PCCA: variants seen among roughly 807,000 people sequenced by gnomAD.
PCCA encodes propionyl-CoA carboxylase alpha chain, mitochondrial.
PCCA carries 74 observed loss-of-function variants against 101.3 expected under a neutral mutation model. That is an observed-to-expected ratio of 0.73 (90% CI 0.61 to 0.89). The LOEUF (loss-of-function observed/expected upper bound fraction) is 0.89. Ranked by LOEUF, PCCA falls within the 40% of genes least tolerant of loss-of-function variation. The pLI is 0.00. For synonymous variants in PCCA, 294 were observed against 313.6 expected (o/e 0.94, Z 0.66); for missense variants, 891 against 907.0 (o/e 0.98, Z 0.23).
chr13:100,167,750 C>T (rs893563558), intron 6 of PCCA, among the ~76,000 whole-genome samples: 1 of 152,184 alleles, frequency 6.6e-6, no homozygotes, highest in East Asian at 1.9e-4. Context: ...GTTTGCTATA[C>T]AATCTCTTGA....
chr13:100,125,136 T>C (rs1187542165), intron 4 of PCCA, among the ~76,000 whole-genome samples: 1 of 1,288 alleles, frequency 7.8e-4, no homozygotes, highest in African/African-American at 8.9e-3. Flanking sequence ...ACCTTTTATT[T>C]GTGTGTGTGT....
At chr13:100,416,220 G>A (rs892708744) in intron 19 of PCCA, among the ~76,000 whole-genome samples, 17 of 150,350 alleles carry the variant, frequency 1.1e-4, no homozygotes, top group Admixed American at 2.0e-4. Flanking sequence ...ACGGAGTCTC[G>A]CTCTGTCGCC....
At chr13:100,128,135 G>T (rs1188328891) in intron 4 of PCCA, among the ~76,000 whole-genome samples, 1 of 152,088 alleles carries the variant, frequency 6.6e-6, no homozygotes, top group Admixed American at 6.5e-5. Context: ...AGAAAATTGG[G>T]GCTTCAAGTA....
chr13:100,433,961 T>C (rs2079743857), intron 20 of PCCA, among the ~76,000 whole-genome samples: 1 of 152,246 alleles, frequency 6.6e-6, no homozygotes, highest in Non-Finnish European at 1.5e-5. Context: ...TTAGGTTTAA[T>C]GAAGAATGGG....
rs866201572 is a variant in PCCA at position 100,152,793 on chromosome 13, G to A, written c.301-2186G>A. On this transcript the variant is annotated intron_variant, in intron 4 of 23. Coordinates refer to ENST00000376285, the MANE Select transcript of PCCA (RefSeq NM_000282.4). ...ACGTTTGTGATAACATAGGAAAAAT[G>A]TCTATTATGCTAGTTAAAAAACAAA... is the stretch of plus-strand genomic sequence containing the variant. Among the ~76,000 whole-genome samples, 2 of 152,162 alleles carry A rather than the reference G, an allele frequency of 1.3e-5. 1 individual carries two copies. Among genetic ancestry groups the A allele is most frequent in the South Asian group, 4.1e-4 (2 of 4,820 alleles).
intron 18 of PCCA, among the ~76,000 whole-genome samples, chr13:100,342,836 C>T (rs968458783): frequency 3.3e-5 from 5 of 151,862 alleles, no homozygotes; most frequent in Non-Finnish European, 7.4e-5. Context: ...ACCCTCCTGC[C>T]TCAGTGTCCC....
chr13:100,364,809 G>C (rs1231657225), intron 18 of PCCA, among the ~76,000 whole-genome samples: 3 of 152,100 alleles, frequency 2.0e-5, no homozygotes, highest in Non-Finnish European at 4.4e-5. Context: ...CCCATACTTT[G>C]GGAGGACAAA....
chr13:100,223,651 T>G (rs1800431491), intron 7 of PCCA, among the ~76,000 whole-genome samples: 1 of 152,120 alleles, frequency 6.6e-6, no homozygotes, highest in African/African-American at 2.4e-5. Context: ...CACTGCTGGC[T>G]CGGGCAGCCT....
chr13:100,184,063 G>A (rs979867210), intron 6 of PCCA, among the ~76,000 whole-genome samples: 2 of 152,172 alleles, frequency 1.3e-5, no homozygotes, highest in African/African-American at 2.4e-5. Flanking sequence ...TGTACAAGAA[G>A]CGTGGTGTCA....
intron 12 of PCCA, among the ~76,000 whole-genome samples, chr13:100,281,444 A>G (rs2064111927): frequency 6.6e-6 from 1 of 152,222 alleles, no homozygotes; most frequent in African/African-American, 2.4e-5. Context: ...CATGTTCTAT[A>G]CTATCCACAG....
At chr13:100,297,612 A>G (rs1469106525) in intron 12 of PCCA, among the ~76,000 whole-genome samples, 1 of 152,232 alleles carries the variant, frequency 6.6e-6, no homozygotes, top group Admixed American at 6.5e-5. Flanking sequence ...CACGATGCTA[A>G]TAGTGACAGC....
intron 10 of PCCA, among the ~76,000 whole-genome samples, chr13:100,267,685 C>T (rs77917467): frequency 0.015 from 2,236 of 152,138 alleles, 64 homozygotes; most frequent in African/African-American, 0.051. Context: ...TAGATTGGTC[C>T]GTTTCTGAAA....
chr13:100,257,878 G>A (rs2062183199), intron 9 of PCCA, among the ~76,000 whole-genome samples: 2 of 151,832 alleles, frequency 1.3e-5, no homozygotes, highest in Non-Finnish European at 2.9e-5. Context: ...TTATAGAAAG[G>A]GTTTTACTGT....
At chr13:100,332,702 A>G (rs1443845214) in intron 17 of PCCA, among the ~76,000 whole-genome samples, 1 of 152,224 alleles carries the variant, frequency 6.6e-6, no homozygotes, top group Non-Finnish European at 1.5e-5. Context: ...AAACTCAGAA[A>G]TGTACTTAAA....
intron 19 of PCCA, among the ~76,000 whole-genome samples, chr13:100,414,172 C>G (rs543995281): frequency 1.3e-5 from 2 of 152,164 alleles, no homozygotes; most frequent in South Asian, 4.2e-4. Flanking sequence ...GACAGATTGA[C>G]AGATCTTCAC....
chr13:100,447,207 A>T (rs572409923), intron 20 of PCCA, among the ~76,000 whole-genome samples: 4 of 151,928 alleles, frequency 2.6e-5, no homozygotes, highest in Admixed American at 2.6e-4. Flanking sequence ...ACATGGCAAA[A>T]CCCCATCTCT....
chr13:100,216,593 G>T (rs566913641), intron 7 of PCCA, among the ~76,000 whole-genome samples: 1 of 152,260 alleles, frequency 6.6e-6, no homozygotes, highest in South Asian at 2.1e-4. Flanking sequence ...TATTCTAGGA[G>T]ATAAATTTTA....
intron 15 of PCCA, among the ~76,000 whole-genome samples, 181 bp from the exon 16 acceptor site, chr13:100,309,652 G>A (rs1009033053): frequency 3.3e-5 from 5 of 152,024 alleles, no homozygotes; most frequent in African/African-American, 1.2e-4. Context: ...GAAATAGCTT[G>A]ATTCTAATAT....
rs190339021 is a variant in PCCA, at chr13:100,519,333, C to T, written c.2040+3766C>T. ...GCTTTTTCTTGCGAATTAGCCCATTCGATATTAGACTTCGGGATATTTTGG... is the reference window on the plus strand; with the variant it reads ...GCTTTTTCTTGCGAATTAGCCCATTTGATATTAGACTTCGGGATATTTTGG... On this transcript the variant is annotated intron_variant, in intron 22 of 23. Transcript: ENST00000376285. Among the ~76,000 whole-genome samples, 369 of 152,284 alleles carry T rather than the reference C, an allele frequency of 2.4e-3. 4 individuals are homozygous for T. The highest frequency in any genetic ancestry group is 8.1e-3 in the African/African-American group (338 of 41,554).
Sources: gnomAD v4.1 joint callset for allele counts (sites outside exome capture counted in the v4.1 genomes callset) on GRCh38, gnomAD v4.1.1 for gene constraint, MANE v1.5 for transcripts, NCBI Gene and HGNC (gene_info 2026-07-23, HGNC 2026-07-21) for gene names.